The following PLCL2 variants were observed in gnomAD, a reference collection of about 807,000 sequenced individuals.
The protein encoded by PLCL2 is inactive phospholipase C-like protein 2.
PLCL2 carries 4 observed loss-of-function variants against 79.6 expected under a neutral mutation model. That is an observed-to-expected ratio of 0.05 (90% CI 0.02 to 0.11). PLCL2 has a LOEUF of 0.11. Ranked by LOEUF, PLCL2 falls within the 10% of genes least tolerant of loss-of-function variation. The probability of loss-of-function intolerance (pLI) is 1.00; values close to 1 mark genes in which losing one functional copy is unlikely to be tolerated. For missense variants in PLCL2, 895 were observed against 1,291.0 expected (o/e 0.69, Z 4.70); for synonymous variants, 484 against 457.7 (o/e 1.06, Z -0.73).
chr3:16,930,428 T>C (rs1271582853), intron 1 of PLCL2, among the ~76,000 whole-genome samples: 3 of 152,192 alleles, frequency 2.0e-5, no homozygotes, highest in South Asian at 2.1e-4. Context: ...AATTGTTATT[T>C]ATTCTATCTG....
At chr3:16,954,366 T>C (rs2063683493) in intron 1 of PLCL2, among the ~76,000 whole-genome samples, 1 of 152,368 alleles carries the variant, frequency 6.6e-6, no homozygotes, top group African/African-American at 2.4e-5. Context: ...TCATCATTTT[T>C]TATGGCTGCA....
chr3:17,022,443 G>T (rs1439147282), intron 3 of PLCL2, among the ~76,000 whole-genome samples: 10 of 152,016 alleles, frequency 6.6e-5, no homozygotes, highest in Non-Finnish European at 5.9e-5. Flanking sequence ...GGCTGAAGGT[G>T]CCTCCTAAGT....
chr3:16,935,577 G>A (rs982188959), intron 1 of PLCL2, among the ~76,000 whole-genome samples: 12 of 151,914 alleles, frequency 7.9e-5, no homozygotes, highest in South Asian at 2.1e-4. Context: ...CTTTTTGATC[G>A]GAATAATAAT....
intron 1 of PLCL2, among the ~76,000 whole-genome samples, chr3:16,947,273 C>T (rs1339684753): frequency 6.6e-6 from 1 of 152,084 alleles, no homozygotes; most frequent in Non-Finnish European, 1.5e-5. Context: ...TATGAGTCAT[C>T]ATTATTTTGT....
intron 1 of PLCL2, among the ~76,000 whole-genome samples, chr3:16,906,325 T>C (rs1181007763): frequency 6.6e-6 from 1 of 152,194 alleles, no homozygotes; most frequent in Non-Finnish European, 1.5e-5. Context: ...ATGTGGAATA[T>C]ACAAGCGAAT....
chr3:17,033,392 T>C (rs2064606301), intron 3 of PLCL2, among the ~76,000 whole-genome samples: 1 of 152,194 alleles, frequency 6.6e-6, no homozygotes, highest in Non-Finnish European at 1.5e-5. Flanking sequence ...TAACTTAGAC[T>C]TCAAATAAAA....
chr3:16,924,960 G>A (rs1342752022), intron 1 of PLCL2, among the ~76,000 whole-genome samples: 4 of 150,106 alleles, frequency 2.7e-5, no homozygotes, highest in South Asian at 2.1e-4. Context: ...GTCTCGCTCT[G>A]TCACCCAGGC....
chr3:17,065,548 AC>A (rs1195316753), intron 4 of PLCL2, among the ~76,000 whole-genome samples: 2 of 152,142 alleles, frequency 1.3e-5, no homozygotes, highest in Non-Finnish European at 2.9e-5. Flanking sequence ...TTGCCTCATT[AC>A]CTTACAGGTG....
At chr3:16,904,237 G>T (rs1029492059) in intron 1 of PLCL2, among the ~76,000 whole-genome samples, 4 of 149,690 alleles carry the variant, frequency 2.7e-5, no homozygotes, top group South Asian at 2.1e-4. Flanking sequence ...TTGACTGCCC[G>T]CACAGTTGTC....
At chr3:17,002,025 A>G (rs976234177) in intron 1 of PLCL2, among the ~76,000 whole-genome samples, 6 of 152,022 alleles carry the variant, frequency 3.9e-5, no homozygotes, top group African/African-American at 4.8e-5. Flanking sequence ...CTTCAGTTTC[A>G]TTAGTGCTCT....
At chr3:16,996,379 TCTTCC>T (rs745552870) in intron 1 of PLCL2, among the ~76,000 whole-genome samples, 17 of 152,192 alleles carry the variant, frequency 1.1e-4, no homozygotes, top group Admixed American at 2.0e-4. Context: ...TAGACCACCC[TCTTCC>T]CTTCCAGCCT....
chr3:17,080,277 G>A lies in PLCL2; in HGVS notation c.3205-9456G>A, dbSNP rs74528931. Among the ~76,000 whole-genome samples, 1,000 of 152,270 alleles carry A rather than the reference G, an allele frequency of 6.6e-3. 13 individuals are homozygous for A. Among genetic ancestry groups the A allele is most frequent in the African/African-American group, 0.023 (953 of 41,536 alleles). ...TAGGGAGTCTTTTTTCAACCGTAAG[G>A]TTTACTGAGACTTCAGTGGGAAGTG... On this transcript the variant is annotated intron_variant, in intron 5 of 5. Coordinates refer to ENST00000615277, the MANE Select transcript of PLCL2 (RefSeq NM_001144382.2).
intron 1 of PLCL2, among the ~76,000 whole-genome samples, chr3:16,909,448 G>A (rs575416196): frequency 6.6e-6 from 1 of 152,244 alleles, no homozygotes; most frequent in East Asian, 1.9e-4. Context: ...ACAGGGTTTG[G>A]CACACCAAAG....
intron 3 of PLCL2, among the ~76,000 whole-genome samples, chr3:17,024,400 T>C (rs911970804): frequency 2.0e-5 from 3 of 152,290 alleles, no homozygotes; most frequent in East Asian, 3.9e-4. Context: ...AGCATCAAGA[T>C]TTTTTATTTA....
intron 1 of PLCL2, among the ~76,000 whole-genome samples, chr3:16,955,588 G>C (rs1467945533): frequency 3.3e-5 from 5 of 152,148 alleles, no homozygotes; most frequent in Non-Finnish European, 7.4e-5. Flanking sequence ...GCTTGATGGG[G>C]ATGGCATTGA....
intron 1 of PLCL2, among the ~76,000 whole-genome samples, chr3:16,917,622 G>A (rs959947100): frequency 1.3e-5 from 2 of 152,174 alleles, no homozygotes; most frequent in Admixed American, 6.5e-5. Context: ...GAGTGTCTAT[G>A]TGTAGCCTCT....
At position 17,090,274 on chromosome 3, in the gene PLCL2, A is replaced by T; in HGVS notation, c.*362A>T. The stretch of plus-strand genomic sequence containing the variant: ...GGATTGGATTGTCAAATTATTATTT[A>T]TTGGAGAAAAAAACCTGATCTACAC... On this transcript the variant is annotated 3_prime_UTR_variant, in exon 6 of 6. Coordinates refer to ENST00000615277, the MANE Select transcript of PLCL2 (RefSeq NM_001144382.2). 1.0e-6 allele frequency: 1 copy of T among 972,950 alleles called. No homozygotes were observed. Among genetic ancestry groups the T allele is most frequent in the Non-Finnish European group, 1.2e-6 (1 of 821,592 alleles). 60.3% of individuals were successfully genotyped at this position (972,950 alleles called of 1,614,324 possible).
intron 1 of PLCL2, among the ~76,000 whole-genome samples, chr3:16,981,766 G>A (rs1288310779): frequency 6.6e-6 from 1 of 152,216 alleles, no homozygotes; most frequent in African/African-American, 2.4e-5. Context: ...CTGAAAGTCT[G>A]TGCAAGGACT....
intron 1 of PLCL2, among the ~76,000 whole-genome samples, chr3:16,942,669 CTT>C (rs1409888505): frequency 6.6e-6 from 1 of 152,126 alleles, no homozygotes; most frequent in Non-Finnish European, 1.5e-5. Flanking sequence ...GTTCTTAATA[CTT>C]TTATTGCTTT....
Sources: gnomAD v4.1 joint callset for allele counts (sites outside exome capture counted in the v4.1 genomes callset) on GRCh38, gnomAD v4.1.1 for gene constraint, MANE v1.5 for transcripts, NCBI Gene and HGNC (gene_info 2026-07-23, HGNC 2026-07-21) for gene names.